Variants in TBCA observed in about 807,000 individuals in gnomAD.
TBCA encodes tubulin-specific chaperone A.
In TBCA, 6 loss-of-function variants were observed where a neutral mutation model predicts 15.8. The ratio of observed to expected loss-of-function variants is 0.38; its 90% CI spans 0.21 to 0.75. TBCA has a LOEUF of 0.75. Ranked by LOEUF, TBCA falls within the 30% of genes least tolerant of loss-of-function variation. The pLI is 0.46. For missense variants in TBCA, 90 were observed against 131.2 expected (o/e 0.69, Z 1.53); for synonymous variants, 32 against 42.3 (o/e 0.76, Z 0.94).
At chr5:77,755,049 T>C (rs1036951699) in intron 1 of TBCA, among the ~76,000 whole-genome samples, 1 of 152,192 alleles carries the variant, frequency 6.6e-6, no homozygotes, top group African/African-American at 2.4e-5. Context: ...GTTCTACAGC[T>C]TTTACTTCAG....
chr5:77,772,918 A>G (rs944257693), intron 1 of TBCA, among the ~76,000 whole-genome samples: 1 of 152,260 alleles, frequency 6.6e-6, no homozygotes, highest in African/African-American at 2.4e-5. Flanking sequence ...TTGTCAGCAT[A>G]TAACTACTTG....
At chr5:77,693,898 CCTT>C (rs1406077393) in intron 2 of TBCA, among the ~76,000 whole-genome samples, 1 of 151,074 alleles carries the variant, frequency 6.6e-6, no homozygotes, top group Middle Eastern at 3.2e-3. Context: ...TTGGTAATCA[CCTT>C]CTCATGCTAA....
At chr5:77,711,390 C>T (rs374313621) in intron 1 of TBCA, among the ~76,000 whole-genome samples, 151 of 152,236 alleles carry the variant, frequency 9.9e-4, no homozygotes, top group African/African-American at 3.3e-3. Context: ...CTGTCCATCA[C>T]CTACTTAATT....
chr5:77,745,456 C>T (rs1399158181), intron 1 of TBCA, among the ~76,000 whole-genome samples: 1 of 152,176 alleles, frequency 6.6e-6, no homozygotes, highest in African/African-American at 2.4e-5. Flanking sequence ...GTAACAATTA[C>T]AAGTATCACA....
chr5:77,700,045 A>G (rs866348971), intron 2 of TBCA, among the ~76,000 whole-genome samples: 3 of 150,498 alleles, frequency 2.0e-5, no homozygotes, highest in South Asian at 2.1e-4. Flanking sequence ...AAAAAAAAAA[A>G]AAAAAGAAAA....
At chr5:77,749,491 A>C (rs1019505927) in intron 1 of TBCA, among the ~76,000 whole-genome samples, 1 of 152,246 alleles carries the variant, frequency 6.6e-6, no homozygotes, top group Non-Finnish European at 1.5e-5. Flanking sequence ...TATTTCATAT[A>C]TTTATGACAT....
At position 77,722,604 on chromosome 5, in the gene TBCA, C is replaced by T. The variant is rs184167232; in HGVS notation, c.54-14257G>A. Among the ~76,000 whole-genome samples, 472 of 152,028 alleles carry T rather than the reference C, an allele frequency of 3.1e-3. 1 individual carries two copies. Among genetic ancestry groups the T allele is most frequent in the Middle Eastern group, 0.02 (6 of 294 alleles). ...TCTTACAGTAAAGAAACATATTAAA[C>T]TTTGTTTAACTCAACCCTTCCCAAA... is the stretch of plus-strand genomic sequence containing the variant. On this transcript the variant is annotated intron_variant, in intron 1 of 3. Transcript: ENST00000380377.
chr5:77,765,238 T>C (rs543672289), intron 1 of TBCA, among the ~76,000 whole-genome samples: 9 of 152,236 alleles, frequency 5.9e-5, no homozygotes, highest in South Asian at 4.2e-4. Context: ...CACTGTACAA[T>C]TGTGAGCAAG....
intron 1 of TBCA, among the ~76,000 whole-genome samples, chr5:77,762,678 G>A (rs148653554): frequency 0.013 from 1,961 of 152,194 alleles, 54 homozygotes; most frequent in African/African-American, 0.044. Context: ...CTGAAAAACA[G>A]AGCACCAAGA....
Position 77,776,323 on chromosome 5 carries a change from A to G in TBCA, c.-66T>C. On this transcript the variant is annotated 5_prime_UTR_variant, in exon 1 of 4. Coordinates refer to ENST00000380377, the MANE Select transcript of TBCA (RefSeq NM_004607.3). Reference sequence around the variant, plus strand: ...GGTAACCGTGGAGGGCGACGCGCAGAGGCTGCGGCTATTTAGGCGTGGTCG... The same window carrying G: ...GGTAACCGTGGAGGGCGACGCGCAGGGGCTGCGGCTATTTAGGCGTGGTCG... 1.8e-5 allele frequency: 28 copies of G among 1,540,606 alleles called. No homozygotes were observed. The highest frequency in any genetic ancestry group is 2.4e-5 in the Non-Finnish European group (27 of 1,139,422).
intron 1 of TBCA, among the ~76,000 whole-genome samples, chr5:77,762,978 T>C (rs901885037): frequency 6.6e-6 from 1 of 152,156 alleles, no homozygotes; most frequent in Non-Finnish European, 1.5e-5. Flanking sequence ...GCGCGGTGGC[T>C]CACGCCTGTA....
At chr5:77,726,161 C>T (rs1746627513) in intron 1 of TBCA, among the ~76,000 whole-genome samples, 1 of 152,188 alleles carries the variant, frequency 6.6e-6, no homozygotes, top group Admixed American at 6.5e-5. Flanking sequence ...AAGGAGCTAA[C>T]TCAAATGTGC....
intron 1 of TBCA, among the ~76,000 whole-genome samples, chr5:77,774,091 C>T (rs1265462290): frequency 1.3e-5 from 2 of 152,202 alleles, no homozygotes; most frequent in African/African-American, 4.8e-5. Context: ...TTACACATTC[C>T]TCCCTTTGGA....
chr5:77,692,604 A>G (rs1466839597), intron 3 of TBCA: 1 of 985,252 alleles, frequency 1.0e-6, no homozygotes, highest in Non-Finnish European at 1.2e-6. Flanking sequence ...ATTTTTTTCC[A>G]AGCAATTTCT....
At chr5:77,742,600 A>G (rs370579919) in intron 1 of TBCA, among the ~76,000 whole-genome samples, 152 of 152,348 alleles carry the variant, frequency 1.0e-3, no homozygotes, top group African/African-American at 3.4e-3. Context: ...TGAAAGGGTA[A>G]TGACATTTGA....
At chr5:77,722,190 T>C (rs997838983) in intron 1 of TBCA, among the ~76,000 whole-genome samples, 1 of 152,006 alleles carries the variant, frequency 6.6e-6, no homozygotes. Flanking sequence ...GTGACAAACA[T>C]TCCTTTTTCT....
chr5:77,730,738 T>A (rs910295294), intron 1 of TBCA, among the ~76,000 whole-genome samples: 1 of 152,078 alleles, frequency 6.6e-6, no homozygotes, highest in Non-Finnish European at 1.5e-5. Context: ...CATCCATCCA[T>A]CCAATATTTA....
intron 1 of TBCA, among the ~76,000 whole-genome samples, chr5:77,765,980 T>A (rs191683545): frequency 5.3e-5 from 8 of 151,492 alleles, no homozygotes; most frequent in African/African-American, 1.7e-4. Flanking sequence ...TAGGAATAAA[T>A]CCTCATATAC....
At chr5:77,750,342 A>C (rs1747294710) in intron 1 of TBCA, among the ~76,000 whole-genome samples, 1 of 152,188 alleles carries the variant, frequency 6.6e-6, no homozygotes, top group South Asian at 2.1e-4. Flanking sequence ...GAAATGTCAC[A>C]AAGTAAATTC....
Sources: gnomAD v4.1 joint callset for allele counts (sites outside exome capture counted in the v4.1 genomes callset) on GRCh38, gnomAD v4.1.1 for gene constraint, MANE v1.5 for transcripts, NCBI Gene and HGNC (gene_info 2026-07-23, HGNC 2026-07-21) for gene names.